The following ESYT2 variants were observed in gnomAD, a reference collection of about 807,000 sequenced individuals.
ESYT2 encodes the protein extended synaptotagmin-2.
Under a neutral mutation model 107.2 loss-of-function variants are expected in ESYT2, and 54 were observed. The observed-to-expected ratio is 0.50, with a 90% confidence interval of 0.40 to 0.63. The LOEUF is 0.63. ESYT2 is among the 30% of genes least tolerant of loss of function. The probability of loss-of-function intolerance (pLI) is 0.00; values close to 1 mark genes in which losing one functional copy is unlikely to be tolerated. For missense variants in ESYT2, 1,020 were observed against 1,094.5 expected (o/e 0.93, Z 0.96); for synonymous variants, 491 against 434.1 (o/e 1.13, Z -1.63).
intron 1 of ESYT2, among the ~76,000 whole-genome samples, chr7:158,800,723 TCTTTTCTTTTC>T (rs1324913172): frequency 4.8e-5 from 7 of 144,892 alleles, no homozygotes; most frequent in African/African-American, 1.5e-4. Context: ...TTTTCTTTTT[TCTTTTCTTTTC>T]TTTTTTTTTT....
At position 158,829,344 on chromosome 7, in the gene ESYT2, G is replaced by T; in HGVS notation, c.75C>A (p.Pro25=). 8.4e-6 allele frequency: 12 copies of T among 1,423,276 alleles called. No homozygotes were observed. The highest frequency in any genetic ancestry group is 1.1e-5 in the Non-Finnish European group (12 of 1,093,684). The allele number at this position is 1,423,276 out of a possible 1,614,324, so 88.2% of individuals were successfully genotyped here. The change falls in exon 1 of 23, where the codon CCC becomes CCA. Residue 25 remains proline, a synonymous_variant. Coordinates refer to ENST00000275418, the MANE Select transcript of ESYT2 (RefSeq NM_001367773.1). ...GAGGRAAPEN[P]GGVLSVELPG... ...GCAGCTCCACGCTCAGCACGCCCCC[G>T]GGGTTCTCAGGCGCCGCGCGGCCCC...
chr7:158,759,437 C>T (rs781715889), intron 13 of ESYT2, 49 bp downstream of exon 13: 2 of 1,439,544 alleles, frequency 1.4e-6, no homozygotes, highest in African/African-American at 1.4e-5. Context: ...TAAGCAAGAG[C>T]AGCTGCTAGG....
At chr7:158,769,391 C>T (rs1838275343) in intron 7 of ESYT2, among the ~76,000 whole-genome samples, 1 of 152,212 alleles carries the variant, frequency 6.6e-6, no homozygotes, top group African/African-American at 2.4e-5. Flanking sequence ...GCCTCGGAGG[C>T]CACAGCAGCT....
chr7:158,782,553 C>T (rs1307541), intron 6 of ESYT2, among the ~76,000 whole-genome samples: 119,373 of 146,860 alleles, frequency 0.81, 49,362 homozygotes, highest in Non-Finnish European at 0.89. Flanking sequence ...GTGTGAGAAG[C>T]AGCGGGAAAG....
rs1395445719 is a variant in ESYT2 at position 158,764,957 on chromosome 7, A to AG, written c.925-105dup. The AG allele has an allele frequency of 1.6e-5, 18 of 1,144,822 alleles. No individual in the cohort carries two copies. In the African/African-American group the frequency reaches 2.8e-4, roughly 18 times the overall value. 70.9% of individuals were successfully genotyped at this position (1,144,822 alleles called of 1,614,324 possible). A position where few individuals can be genotyped will look rare whatever the true frequency, so the allele number is the denominator to read the frequency against. On this transcript the variant is annotated intron_variant, in intron 8 of 22. Coordinates refer to ENST00000275418, the MANE Select transcript of ESYT2 (RefSeq NM_001367773.1). ...CCCGTCTCGAGAATTGGGAGTGCCG[A>AG]GGGAATAAAGACCCTCTTCTGGTGC...
At position 158,748,522 on chromosome 7, in the gene ESYT2, A is replaced by C. The variant is rs113235769; in HGVS notation, c.1558-242T>G. Among the ~76,000 whole-genome samples, 26 of 152,256 alleles carry C rather than the reference A, an allele frequency of 1.7e-4. 3 individuals carry two copies. The highest frequency in any genetic ancestry group is 6.3e-4 in the African/African-American group (26 of 41,558). On this transcript the variant is annotated intron_variant, in intron 15 of 22. Transcript: ENST00000275418. Reference sequence around the variant, plus strand: ...TCTAAAGCCTTTAGAGTTTGTCATGAGGCCCCAACCTGTGCGCCCACAGAT... The same window carrying C: ...TCTAAAGCCTTTAGAGTTTGTCATGCGGCCCCAACCTGTGCGCCCACAGAT...
At chr7:158,801,256 T>TGGTTAACTGGCTTGTATTAGAATTTACA (rs1839634937) in intron 1 of ESYT2, among the ~76,000 whole-genome samples, 1 of 151,960 alleles carries the variant, frequency 6.6e-6, no homozygotes, top group Non-Finnish European at 1.5e-5. Flanking sequence ...TAGAATTTAC[T>TGGTTAACTGGCTTGTATTAGAATTTACA]GGTTAACTGG....
chr7:158,791,470 A>G (rs2129473338), intron 4 of ESYT2, among the ~76,000 whole-genome samples: 1 of 152,282 alleles, frequency 6.6e-6, no homozygotes, highest in East Asian at 1.9e-4. Context: ...ATCACATGGT[A>G]ATTTTATGTT....
chr7:158,737,666 T>G (rs1217501505), intron 19 of ESYT2, among the ~76,000 whole-genome samples: 1 of 152,178 alleles, frequency 6.6e-6, no homozygotes, highest in African/African-American at 2.4e-5. Context: ...GCTAGACTCC[T>G]CTACAACAGT....
At chr7:158,749,555 A>C in intron 15 of ESYT2, 94 bp downstream of exon 15, 1 of 1,143,974 alleles carries the variant, frequency 8.7e-7, no homozygotes, top group Non-Finnish European at 1.3e-6. Flanking sequence ...ACACAACTGA[A>C]TGTATTTGCA....
chr7:158,812,001 G>A (rs1377575519), intron 1 of ESYT2, among the ~76,000 whole-genome samples: 4 of 152,256 alleles, frequency 2.6e-5, no homozygotes, highest in Admixed American at 1.3e-4. Context: ...CTTTGGGACA[G>A]ACCAGGAGGC....
At chr7:158,818,362 T>C (rs1840202274) in intron 1 of ESYT2, among the ~76,000 whole-genome samples, 1 of 152,140 alleles carries the variant, frequency 6.6e-6, no homozygotes, top group Non-Finnish European at 1.5e-5. Flanking sequence ...ATTTTAGGGA[T>C]ATACAGAGAG....
rs574139573 is a variant in ESYT2 at position 158,732,113 on chromosome 7, A to G, written c.*2094T>C. 4 of 152,350 alleles carry G rather than the reference A, an allele frequency of 2.6e-5. No homozygotes were observed. Among genetic ancestry groups the G allele is most frequent in the African/African-American group, 9.6e-5 (4 of 41,580 alleles). 9.4% of individuals were successfully genotyped at this position (152,350 alleles called of 1,614,324 possible). ...CCTAAGTGCTTAAATAAAGCATTCC[A>G]TTAAGCAAAATACACATGGAGCGGA... On this transcript the variant is annotated 3_prime_UTR_variant, in exon 23 of 23. Coordinates refer to ENST00000275418, the MANE Select transcript of ESYT2 (RefSeq NM_001367773.1).
At chr7:158,748,331 C>T (rs867823273) in intron 15 of ESYT2, 51 bp from the exon 16 acceptor site, 1 of 1,408,806 alleles carries the variant, frequency 7.1e-7, no homozygotes, top group South Asian at 1.2e-5. Context: ...TGGAAAAGGG[C>T]TACTCATTTT....
At position 158,763,180 on chromosome 7, in the gene ESYT2, G is replaced by T; in HGVS notation, c.1102-15C>A. 2.5e-6 allele frequency: 4 copies of T among 1,602,754 alleles called. No homozygotes were observed. Among genetic ancestry groups the T allele is most frequent in the Non-Finnish European group, 3.4e-6 (4 of 1,171,626 alleles). ...TACACTAAAGCCTAAAACATCAATG[G>T]TTAGTAGTTAAGTGCATTTTTACTA... On this transcript the variant is annotated splice_polypyrimidine_tract_variant and intron_variant, in intron 9 of 22. Coordinates refer to ENST00000275418, the MANE Select transcript of ESYT2 (RefSeq NM_001367773.1).
intron 6 of ESYT2, among the ~76,000 whole-genome samples, chr7:158,783,450 C>G (rs1838997519): frequency 6.6e-6 from 1 of 152,180 alleles, no homozygotes; most frequent in Admixed American, 6.5e-5. Flanking sequence ...GGGCTCCCAC[C>G]TTTCTCCAGT....
At chr7:158,736,572 G>A (rs6960146) in intron 20 of ESYT2, among the ~76,000 whole-genome samples, 36,111 of 152,058 alleles carry the variant, frequency 0.24, 5,170 homozygotes, top group East Asian at 0.59. Context: ...CTAAAGAGAT[G>A]AGCAAAAATG....
intron 6 of ESYT2, among the ~76,000 whole-genome samples, chr7:158,781,542 C>T (rs1037466452): frequency 6.0e-5 from 9 of 150,190 alleles, no homozygotes; most frequent in African/African-American, 2.0e-4. Flanking sequence ...AGTGTAAGAA[C>T]GAGAACAAGT....
chr7:158,774,093 C>A (rs1021156684), intron 6 of ESYT2, among the ~76,000 whole-genome samples: 3 of 152,202 alleles, frequency 2.0e-5, no homozygotes, highest in Non-Finnish European at 4.4e-5. Context: ...AGAAATACCG[C>A]TTTTCCTAAC....
Sources: gnomAD v4.1 joint callset for allele counts (sites outside exome capture counted in the v4.1 genomes callset) on GRCh38, gnomAD v4.1.1 for gene constraint, MANE v1.5 for transcripts, NCBI Gene and HGNC (gene_info 2026-07-23, HGNC 2026-07-21) for gene names.